FBXW11: variants seen among roughly 807,000 people sequenced by gnomAD.
FBXW11 encodes F-box and WD repeat domain containing 11.
A neutral mutation model predicts 77.6 loss-of-function variants in FBXW11; 19 were observed. The observed-to-expected ratio is 0.24, with a 90% CI of 0.17 to 0.36. FBXW11 has a LOEUF of 0.36. FBXW11 is among the 10% of genes least tolerant of loss of function. FBXW11 has a pLI of 1.00. For missense variants in FBXW11, 334 were observed against 704.2 expected (o/e 0.47, Z 5.95); for synonymous variants, 235 against 249.4 (o/e 0.94, Z 0.54).
At chr5:171,971,531 T>C (rs1175269863) in intron 1 of FBXW11, among the ~76,000 whole-genome samples, 1 of 152,222 alleles carries the variant, frequency 6.6e-6, no homozygotes, top group African/African-American at 2.4e-5. Context: ...ACACTGTATA[T>C]GTCACTGTAA....
intron 2 of FBXW11, among the ~76,000 whole-genome samples, chr5:171,924,797 AGAGAG>A (rs1761803129): frequency 8.4e-6 from 1 of 119,640 alleles, no homozygotes; most frequent in South Asian, 2.9e-4. Context: ...GTAGTGCTGC[AGAGAG>A]GAGAGAAGAG....
At chr5:171,942,552 C>T (rs1203271277) in intron 2 of FBXW11, among the ~76,000 whole-genome samples, 6 of 152,210 alleles carry the variant, frequency 3.9e-5, no homozygotes, top group African/African-American at 1.4e-4. Flanking sequence ...GTAATCCTAA[C>T]ACTTTGGGAG....
At chr5:171,925,105 G>A (rs1028842891) in intron 2 of FBXW11, among the ~76,000 whole-genome samples, 9 of 152,092 alleles carry the variant, frequency 5.9e-5, no homozygotes, top group Non-Finnish European at 1.2e-4. Context: ...CCTGGGCAGG[G>A]GCACTGCCAG....
chr5:171,968,626 C>T (rs1345014719), intron 1 of FBXW11, among the ~76,000 whole-genome samples: 1 of 152,112 alleles, frequency 6.6e-6, no homozygotes, highest in Non-Finnish European at 1.5e-5. Context: ...ATAGTCCATA[C>T]CGCATGACAT....
At chr5:171,872,844 C>T (rs1458489857) in intron 10 of FBXW11, 28 bp downstream of exon 10, 4 of 1,554,658 alleles carry the variant, frequency 2.6e-6, no homozygotes, top group South Asian at 2.2e-5. Flanking sequence ...AATCAGCCTG[C>T]TCTGTCAGCA....
At chr5:171,993,648 C>T (rs1217753581) in intron 1 of FBXW11, among the ~76,000 whole-genome samples, 1 of 152,012 alleles carries the variant, frequency 6.6e-6, no homozygotes, top group Non-Finnish European at 1.5e-5. Context: ...ACTAATCATG[C>T]CAACACACAT....
At chr5:172,005,693 T>G (rs1477745160) in intron 1 of FBXW11, among the ~76,000 whole-genome samples, 3 of 151,842 alleles carry the variant, frequency 2.0e-5, no homozygotes, top group African/African-American at 7.3e-5. Flanking sequence ...GCGGCAGTGA[T>G]GAGGATGGCT....
At chr5:171,975,634 T>C (rs1347631424) in intron 1 of FBXW11, among the ~76,000 whole-genome samples, 2 of 152,266 alleles carry the variant, frequency 1.3e-5, no homozygotes, top group Non-Finnish European at 2.9e-5. Flanking sequence ...CTCCAGTTCC[T>C]ACTTCTTCCC....
chr5:171,943,610 C>T (rs1762855797), intron 2 of FBXW11, among the ~76,000 whole-genome samples: 1 of 152,182 alleles, frequency 6.6e-6, no homozygotes, highest in Non-Finnish European at 1.5e-5. Flanking sequence ...AGGCATGCGC[C>T]ACCACACCCA....
intron 2 of FBXW11, among the ~76,000 whole-genome samples, chr5:171,921,846 T>G (rs1581205167): frequency 6.6e-6 from 1 of 152,064 alleles, no homozygotes; most frequent in Non-Finnish European, 1.5e-5. Context: ...TCAAGCAATC[T>G]TCCCACCTTA....
intron 7 of FBXW11, among the ~76,000 whole-genome samples, chr5:171,880,042 A>G (rs1758398212): frequency 6.6e-6 from 1 of 152,176 alleles, no homozygotes; most frequent in Non-Finnish European, 1.5e-5. Context: ...CCTATGTTAC[A>G]TTCTGTGAAT....
rs2113721784 is a variant in FBXW11, at chr5:171,863,026, T to G, written c.*1101A>C. On this transcript the variant is annotated 3_prime_UTR_variant, in exon 14 of 14. Coordinates refer to ENST00000517395, the MANE Select transcript of FBXW11 (RefSeq NM_001378974.1). ...TCAGGAGTACTTATGAGAAAAAGAATAAGAACAAAAAATGTTTAAGGTACC... is the reference window on the plus strand; with the variant it reads ...TCAGGAGTACTTATGAGAAAAAGAAGAAGAACAAAAAATGTTTAAGGTACC... 1 of 152,378 alleles carries G rather than the reference T, an allele frequency of 6.6e-6. No homozygotes were observed. Among genetic ancestry groups the G allele is most frequent in the Admixed American group, 6.5e-5 (1 of 15,298 alleles). 9.4% of individuals were successfully genotyped at this position (152,378 alleles called of 1,614,324 possible). A position where few individuals can be genotyped will look rare whatever the true frequency, so the allele number is the denominator to read the frequency against.
chr5:171,919,224 T>G (rs1581201405), intron 2 of FBXW11, among the ~76,000 whole-genome samples: 2 of 152,140 alleles, frequency 1.3e-5, no homozygotes, highest in Non-Finnish European at 1.5e-5. Flanking sequence ...CAGGAAGCCA[T>G]ATATATACAG....
chr5:171,892,371 A>G (rs984278674), intron 6 of FBXW11, among the ~76,000 whole-genome samples: 1 of 152,244 alleles, frequency 6.6e-6, no homozygotes, highest in African/African-American at 2.4e-5. Flanking sequence ...TTTTACAAAC[A>G]AGAAAACAGA....
chr5:171,972,502 TAAAAA>T (rs70982360), intron 1 of FBXW11, among the ~76,000 whole-genome samples: 7 of 48,216 alleles, frequency 1.5e-4, no homozygotes, highest in South Asian at 1.6e-3. Context: ...CTCTGTCTCA[TAAAAA>T]AAAAAAAAAA....
intron 2 of FBXW11, among the ~76,000 whole-genome samples, chr5:171,933,696 C>T (rs1486015309): frequency 6.6e-6 from 1 of 152,168 alleles, no homozygotes. Context: ...TTTCCTCCCA[C>T]CATCACCTGC....
intron 1 of FBXW11, among the ~76,000 whole-genome samples, chr5:172,001,998 A>G (rs1483663814): frequency 6.6e-6 from 1 of 152,270 alleles, no homozygotes; most frequent in Non-Finnish European, 1.5e-5. Flanking sequence ...CAGAAAAGCC[A>G]TAAGGGAGAA....
chr5:171,939,331 G>C (rs111929613), intron 2 of FBXW11, among the ~76,000 whole-genome samples: 3,250 of 152,212 alleles, frequency 0.021, 115 homozygotes, highest in African/African-American at 0.074. Flanking sequence ...TAATGGAAGA[G>C]GGTGAAAACC....
At chr5:171,989,049 C>T (rs754556235) in intron 1 of FBXW11, among the ~76,000 whole-genome samples, 1 of 149,938 alleles carries the variant, frequency 6.7e-6, no homozygotes, top group Non-Finnish European at 1.5e-5. Context: ...TGGTGGTATG[C>T]ACCTGTAGTT....
Sources: allele counts gnomAD v4.1 joint callset (sites outside exome capture counted in the v4.1 genomes callset), GRCh38; gene constraint gnomAD v4.1.1; transcripts MANE v1.5; gene names NCBI Gene and HGNC (gene_info 2026-07-23, HGNC 2026-07-21).